Variants in LOC128092252 observed in about 807,000 individuals in gnomAD.
At chr15:50,682,950 G>A in the LOC128092252 span, among the ~76,000 whole-genome samples, 1 of 150,704 alleles carries the variant, frequency 6.6e-6, no homozygotes, top group African/African-American at 2.5e-5. Flanking sequence ...AGGCTGGAGT[G>A]CAGTGGCATG....
the LOC128092252 span, among the ~76,000 whole-genome samples, chr15:50,665,498 T>C: frequency 6.6e-6 from 1 of 151,986 alleles, no homozygotes; most frequent in African/African-American, 2.4e-5. Context: ...CACAATGCAA[T>C]TAACATAATG....
At chr15:50,674,714 A>T in the LOC128092252 span, among the ~76,000 whole-genome samples, 1 of 152,180 alleles carries the variant, frequency 6.6e-6, no homozygotes, top group Non-Finnish European at 1.5e-5. Context: ...ATTTCTTGTA[A>T]CACAGGTCTA....
chr15:50,677,516 G>A, the LOC128092252 span, among the ~76,000 whole-genome samples: 2 of 151,846 alleles, frequency 1.3e-5, no homozygotes, highest in African/African-American at 4.8e-5. Context: ...CAAGGCAGGC[G>A]GATCGCAAGG....
At chr15:50,680,960 T>C in the LOC128092252 span, among the ~76,000 whole-genome samples, 2 of 152,110 alleles carry the variant, frequency 1.3e-5, no homozygotes, top group Non-Finnish European at 2.9e-5. Context: ...GCGGGATTAA[T>C]ATATGTAAAG....
chr15:50,656,354 C>G, the LOC128092252 span, among the ~76,000 whole-genome samples: 1 of 151,928 alleles, frequency 6.6e-6, no homozygotes, highest in East Asian at 1.9e-4. Context: ...GGCAGGAGTG[C>G]AGTGGTGTGA....
chr15:50,664,028 G>A, the LOC128092252 span, among the ~76,000 whole-genome samples: 22,044 of 151,940 alleles, frequency 0.15, 2,193 homozygotes, highest in Admixed American at 0.28. Flanking sequence ...GGCCGCGTGC[G>A]GTGGCTCACA....
At chr15:50,671,665 C>A in the LOC128092252 span, among the ~76,000 whole-genome samples, 4 of 151,764 alleles carry the variant, frequency 2.6e-5, no homozygotes, top group Admixed American at 2.6e-4. Context: ...TTTTAATTAG[C>A]CAAGCATGTT....
chr15:50,675,792 A>G, the LOC128092252 span, among the ~76,000 whole-genome samples: 3 of 152,256 alleles, frequency 2.0e-5, no homozygotes, highest in East Asian at 5.8e-4. Flanking sequence ...AGTAATGTAA[A>G]AAGTAACTAT....
the LOC128092252 span, among the ~76,000 whole-genome samples, chr15:50,679,520 A>ATGTG: frequency 1.2e-3 from 22 of 18,770 alleles, 2 homozygotes; most frequent in African/African-American, 2.5e-3. Context: ...TAATATATAT[A>ATGTG]TATATATATA....
the LOC128092252 span, among the ~76,000 whole-genome samples, chr15:50,661,921 G>C: frequency 6.6e-6 from 1 of 152,068 alleles, no homozygotes; most frequent in Non-Finnish European, 1.5e-5. Context: ...TTAGGCCTCA[G>C]AAAAAAGAAA....
At chr15:50,676,017 G>C in the LOC128092252 span, among the ~76,000 whole-genome samples, 3 of 152,166 alleles carry the variant, frequency 2.0e-5, no homozygotes, top group African/African-American at 4.8e-5. Context: ...TGTTACTCTG[G>C]TGATTAAACA....
chr15:50,676,381 T>C, the LOC128092252 span, among the ~76,000 whole-genome samples: 1 of 152,042 alleles, frequency 6.6e-6, no homozygotes, highest in African/African-American at 2.4e-5. Context: ...TAGGTCCTAT[T>C]AGGCTAACCA....
At chr15:50,677,290 T>C in the LOC128092252 span, among the ~76,000 whole-genome samples, 1 of 152,090 alleles carries the variant, frequency 6.6e-6, no homozygotes, top group East Asian at 1.9e-4. Flanking sequence ...TGACCTCATC[T>C]ACCCCTGATT....
At chr15:50,650,332 G>A in the LOC128092252 span, among the ~76,000 whole-genome samples, 1 of 151,386 alleles carries the variant, frequency 6.6e-6, no homozygotes, top group Non-Finnish European at 1.5e-5. Context: ...CCAGAGTAGA[G>A]ATCTCATAAC....
the LOC128092252 span, among the ~76,000 whole-genome samples, chr15:50,676,774 T>C: frequency 7.9e-5 from 12 of 152,218 alleles, no homozygotes; most frequent in Admixed American, 3.9e-4. Flanking sequence ...TACTGACTTA[T>C]AGAACCAGAA....
the LOC128092252 span, among the ~76,000 whole-genome samples, chr15:50,682,979 C>A: frequency 1.3e-5 from 2 of 151,722 alleles, no homozygotes; most frequent in Admixed American, 1.3e-4. Context: ...TCACTGCAAC[C>A]TCAAGCCATC....
the LOC128092252 span, among the ~76,000 whole-genome samples, chr15:50,658,409 C>T: frequency 7.0e-6 from 1 of 143,590 alleles, no homozygotes; most frequent in African/African-American, 2.6e-5. Context: ...TCCGTCTCTA[C>T]AAAAAAAAAA....
chr15:50,658,735 G>C, the LOC128092252 span, among the ~76,000 whole-genome samples: 3 of 152,126 alleles, frequency 2.0e-5, no homozygotes, highest in Non-Finnish European at 4.4e-5. Context: ...TAAAAGCATA[G>C]GCTAAAACAC....
the LOC128092252 span, among the ~76,000 whole-genome samples, chr15:50,679,457 T>C: frequency 7.3e-6 from 1 of 137,568 alleles, no homozygotes; most frequent in South Asian, 2.1e-4. Flanking sequence ...GATAGGTTTC[T>C]ACAGGTTTTA....
Sources: gnomAD v4.1 joint callset for allele counts (sites outside exome capture counted in the v4.1 genomes callset) on GRCh38, gnomAD v4.1.1 for gene constraint, MANE v1.5 for transcripts.